The following SEMA6A variants were observed in gnomAD, a reference collection of about 807,000 sequenced individuals.
SEMA6A encodes semaphorin 6A, also known as semaphorin-6A.
Under a neutral mutation model 96.8 loss-of-function variants are expected in SEMA6A, and 25 were observed. That is an observed-to-expected ratio of 0.26 (90% CI 0.19 to 0.36). The LOEUF (loss-of-function observed/expected upper bound fraction) is 0.36, where lower values mean the gene tolerates loss of function less well. Ranked by LOEUF, SEMA6A falls within the 10% of genes least tolerant of loss-of-function variation. The pLI is 1.00. For missense variants in SEMA6A, 1,363 were observed against 1,323.1 expected, an observed-to-expected ratio of 1.03 and a Z score of -0.47; for synonymous variants, 612 against 518.0, an observed-to-expected ratio of 1.18 and a Z score of -2.46.
chr5:116,474,144 T>A (rs1756318494), intron 16 of SEMA6A, among the ~76,000 whole-genome samples: 1 of 151,854 alleles, frequency 6.6e-6, no homozygotes, highest in Non-Finnish European at 1.5e-5. Context: ...TTTACATGTT[T>A]CACGTATTTT....
Position 116,497,383 on chromosome 5 carries a change from G to A in SEMA6A, c.223C>T (p.His75Tyr). The A allele has an allele frequency of 6.3e-7, 1 of 1,584,510 alleles. No homozygotes were observed. The highest frequency in any genetic ancestry group is 1.1e-5 in the South Asian group (1 of 88,908). Residue 75 changes from histidine to tyrosine, a missense_variant, in exon 4 of 19, where the codon CAT becomes TAT. His to Tyr is a moderately conservative substitution (Grantham distance 83). This residue lies in a region of SEMA6A where 480 missense variants were observed against 559.5 expected (regional missense o/e 0.86). Coordinates refer to ENST00000343348, the MANE Select transcript of SEMA6A (RefSeq NM_020796.5). ...NGTLYIAARD[H>Y]IYTVDIDTSH... ...GTGTCTATATCAACAGTATAAATATGGTCCCTATAGGCAAAGAAAAATTAA... is the reference window on the plus strand; with the variant it reads ...GTGTCTATATCAACAGTATAAATATAGTCCCTATAGGCAAAGAAAAATTAA...
intron 1 of SEMA6A, among the ~76,000 whole-genome samples, chr5:116,554,559 T>C (rs1005817753): frequency 6.6e-6 from 1 of 152,210 alleles, no homozygotes; most frequent in Non-Finnish European, 1.5e-5. Flanking sequence ...TATAAAGTAT[T>C]TGTTCAAAAA....
At chr5:116,547,692 G>A (rs1760237710) in intron 1 of SEMA6A, among the ~76,000 whole-genome samples, 1 of 143,456 alleles carries the variant, frequency 7.0e-6, no homozygotes. Context: ...TCTAAACCAG[G>A]GGATAAAATC....
At chr5:116,510,229 T>C (rs774793866) in intron 1 of SEMA6A, among the ~76,000 whole-genome samples, 12 of 152,212 alleles carry the variant, frequency 7.9e-5, no homozygotes, top group Non-Finnish European at 1.5e-4. Context: ...GTTGTTACCA[T>C]GTAATCTTAT....
chr5:116,560,632 CCT>C (rs1760786955), intron 1 of SEMA6A, among the ~76,000 whole-genome samples: 1 of 152,012 alleles, frequency 6.6e-6, no homozygotes, highest in Admixed American at 6.5e-5. Context: ...TCTAATTCAA[CCT>C]TCTGTCCCTC....
At chr5:116,460,382 A>G (rs1340163725) in intron 18 of SEMA6A, among the ~76,000 whole-genome samples, 1 of 152,196 alleles carries the variant, frequency 6.6e-6, no homozygotes, top group Non-Finnish European at 1.5e-5. Flanking sequence ...TTTCTTAAAC[A>G]TATCAGAATA....
chr5:116,512,214 C>G (rs1219290772), intron 1 of SEMA6A, among the ~76,000 whole-genome samples: 1 of 152,172 alleles, frequency 6.6e-6, no homozygotes, highest in Non-Finnish European at 1.5e-5. Context: ...ACAACCTGGG[C>G]CCATTGATCC....
At chr5:116,491,960 C>A in intron 6 of SEMA6A, 130 bp from the exon 7 acceptor site, 1 of 691,494 alleles carries the variant, frequency 1.4e-6, no homozygotes, top group Non-Finnish European at 2.6e-6. Flanking sequence ...CCTGTTGAAG[C>A]CACTTTTAAA....
At chr5:116,464,111 T>G (rs1315755608) in intron 18 of SEMA6A, among the ~76,000 whole-genome samples, 6 of 152,218 alleles carry the variant, frequency 3.9e-5, no homozygotes, top group Admixed American at 3.3e-4. Context: ...GATCTAAAAA[T>G]AAACTGGATT....
chr5:116,503,191 TA>T (rs1264445341), intron 2 of SEMA6A, among the ~76,000 whole-genome samples: 6 of 152,268 alleles, frequency 3.9e-5, no homozygotes, highest in African/African-American at 1.4e-4. Context: ...GAGCCACATT[TA>T]AAAGGCACTT....
chr5:116,498,462 A>G (rs902739441), intron 3 of SEMA6A: 4 of 152,042 alleles, frequency 2.6e-5, no homozygotes, highest in Admixed American at 6.6e-5. Flanking sequence ...TTGTTTTAGG[A>G]AAAATACAAC....
chr5:116,470,781 C>T (rs1176179992), intron 17 of SEMA6A, among the ~76,000 whole-genome samples: 1 of 152,178 alleles, frequency 6.6e-6, no homozygotes, highest in Non-Finnish European at 1.5e-5. Context: ...TATGAGCCTA[C>T]ACTCAGCCAC....
At chr5:116,508,907 C>T (rs1372581371) in intron 1 of SEMA6A, among the ~76,000 whole-genome samples, 2 of 152,194 alleles carry the variant, frequency 1.3e-5, no homozygotes, top group Admixed American at 6.5e-5. Flanking sequence ...AACGTTGCTG[C>T]GTGAGGTATT....
Position 116,480,260 on chromosome 5 carries a change from C to A in SEMA6A, c.1112G>T (p.Gly371Val). Residue 371 changes from glycine to valine, a missense_variant, in exon 12 of 19, where the codon GGC becomes GTC. Physicochemically the swap from Gly to Val is moderately radical, Grantham distance 109. This residue lies in a region of SEMA6A where 480 missense variants were observed against 559.5 expected (regional missense o/e 0.86). Coordinates refer to ENST00000343348, the MANE Select transcript of SEMA6A (RefSeq NM_020796.5). The part of the protein sequence containing the change: ...VPKPRPGCCA[G>V]SSSLERYATS... ...TGCATATCTTTCTAAGGAGGATGAGCCAGCACAGCAACCTGGCCTAAAATG... is the reference window on the plus strand; with the variant it reads ...TGCATATCTTTCTAAGGAGGATGAGACAGCACAGCAACCTGGCCTAAAATG... The A allele has an allele frequency of 1.2e-6, 2 of 1,613,690 alleles. No individual in the cohort carries two copies. Among genetic ancestry groups the A allele is most frequent in the African/African-American group, 2.7e-5 (2 of 75,004 alleles).
chr5:116,448,304 C>G (rs934787204), intron 18 of SEMA6A, among the ~76,000 whole-genome samples: 17 of 151,824 alleles, frequency 1.1e-4, no homozygotes, highest in African/African-American at 4.1e-4. Flanking sequence ...GAGATCAGGC[C>G]ACTGTACTCC....
chr5:116,447,881 C>T, intron 18 of SEMA6A, 70 bp from the exon 19 acceptor site: 1 of 1,279,074 alleles, frequency 7.8e-7, no homozygotes, highest in Non-Finnish European at 1.1e-6. Context: ...GCTTGGCATT[C>T]ACCTTGTTAA....
intron 18 of SEMA6A, among the ~76,000 whole-genome samples, chr5:116,450,170 A>G (rs1394177282): frequency 6.6e-6 from 1 of 152,340 alleles, no homozygotes; most frequent in East Asian, 1.9e-4. Context: ...ACACCTGTGG[A>G]TAAAATGGTT....
intron 1 of SEMA6A, among the ~76,000 whole-genome samples, chr5:116,506,231 T>C (rs1166923269): frequency 6.6e-6 from 1 of 152,228 alleles, no homozygotes; most frequent in Admixed American, 6.5e-5. Context: ...GTCCCAAGTG[T>C]TGCACTGTAA....
chr5:116,453,453 G>A (rs1754779428), intron 18 of SEMA6A, among the ~76,000 whole-genome samples: 2 of 152,108 alleles, frequency 1.3e-5, no homozygotes, highest in Admixed American at 1.3e-4. Context: ...GAATCTTCAG[G>A]CAGAAAGGTG....
Sources: gnomAD v4.1 joint callset for allele counts (sites outside exome capture counted in the v4.1 genomes callset) on GRCh38, gnomAD v4.1.1 for gene constraint, gnomAD v4.1.1 regional missense constraint, MANE v1.5 for transcripts, NCBI Gene and HGNC (gene_info 2026-07-23, HGNC 2026-07-21) for gene names.